DPYSL5: variants seen among roughly 807,000 people sequenced by gnomAD.
The protein encoded by DPYSL5 is dihydropyrimidinase like 5, also known as dihydropyrimidinase-related protein 5.
DPYSL5 carries 9 observed loss-of-function variants against 58.4 expected under a neutral mutation model. That is an observed-to-expected ratio of 0.15 (90% CI 0.09 to 0.27). The LOEUF (loss-of-function observed/expected upper bound fraction) is 0.27. Among genes scored for constraint, DPYSL5 ranks in the 10% least tolerant of loss-of-function variants. DPYSL5 has a pLI of 1.00. For missense variants in DPYSL5, 499 were observed against 770.6 expected, an observed-to-expected ratio of 0.65 and a Z score of 4.17; for synonymous variants, 293 against 301.9, an observed-to-expected ratio of 0.97 and a Z score of 0.31.
chr2:26,875,631 C>T (rs1663390992), intron 1 of DPYSL5, among the ~76,000 whole-genome samples: 1 of 152,108 alleles, frequency 6.6e-6, no homozygotes, highest in Non-Finnish European at 1.5e-5. Flanking sequence ...GGCATCCCAA[C>T]CTGGAGGCTC....
intron 1 of DPYSL5, among the ~76,000 whole-genome samples, chr2:26,895,111 C>G (rs1663980016): frequency 6.6e-6 from 1 of 152,214 alleles, no homozygotes; most frequent in African/African-American, 2.4e-5. Context: ...CCATAGTTGT[C>G]AAGATCATGC....
intron 2 of DPYSL5, among the ~76,000 whole-genome samples, chr2:26,902,690 T>C (rs1330366712): frequency 6.6e-6 from 1 of 152,198 alleles, no homozygotes; most frequent in Non-Finnish European, 1.5e-5. Flanking sequence ...CTAAGACCTA[T>C]TCGGCTGCAT....
At chr2:26,946,455 T>G (rs1213916730) in intron 12 of DPYSL5, among the ~76,000 whole-genome samples, 1 of 152,134 alleles carries the variant, frequency 6.6e-6, no homozygotes, top group African/African-American at 2.4e-5. Flanking sequence ...ACCCTCCCTT[T>G]GTAACTAAGT....
intron 2 of DPYSL5, among the ~76,000 whole-genome samples, chr2:26,917,143 C>T (rs572625576): frequency 6.6e-6 from 1 of 152,164 alleles, no homozygotes; most frequent in Non-Finnish European, 1.5e-5. Context: ...GATCTTACAA[C>T]TAATAAGTGA....
chr2:26,892,528 TA>T (rs1663908088), intron 1 of DPYSL5, among the ~76,000 whole-genome samples: 1 of 152,078 alleles, frequency 6.6e-6, no homozygotes, highest in Non-Finnish European at 1.5e-5. Context: ...CCTCTTACCT[TA>T]AAGCTGCTTT....
intron 8 of DPYSL5, among the ~76,000 whole-genome samples, chr2:26,936,689 C>T (rs919564830): frequency 3.3e-5 from 5 of 151,676 alleles, no homozygotes; most frequent in African/African-American, 1.2e-4. Context: ...TGGTGGCTCG[C>T]ACCTGTAATC....
intron 8 of DPYSL5, among the ~76,000 whole-genome samples, chr2:26,935,579 C>T (rs906179032): frequency 6.6e-6 from 1 of 151,024 alleles, no homozygotes; most frequent in Admixed American, 6.6e-5. Flanking sequence ...ATCCCAGCTA[C>T]TTGGGAGGCT....
intron 1 of DPYSL5, among the ~76,000 whole-genome samples, chr2:26,884,497 C>T (rs915927020): frequency 1.5e-4 from 22 of 148,684 alleles, no homozygotes; most frequent in South Asian, 2.1e-4. Context: ...CACACATCAA[C>T]GCACAGCTAA....
At chr2:26,908,171 A>G (rs1433661023) in intron 2 of DPYSL5, among the ~76,000 whole-genome samples, 1 of 152,260 alleles carries the variant, frequency 6.6e-6, no homozygotes, top group Non-Finnish European at 1.5e-5. Flanking sequence ...GATCATGTTG[A>G]TCAAAGTCAG....
chr2:26,941,245 A>G (rs1275061735), intron 9 of DPYSL5, among the ~76,000 whole-genome samples: 1 of 152,026 alleles, frequency 6.6e-6, no homozygotes, highest in Non-Finnish European at 1.5e-5. Context: ...GCCTCTGATT[A>G]TTATTTCTGA....
At chr2:26,903,161 C>T (rs1343085301) in intron 2 of DPYSL5, among the ~76,000 whole-genome samples, 1 of 151,974 alleles carries the variant, frequency 6.6e-6, no homozygotes, top group Non-Finnish European at 1.5e-5. Flanking sequence ...CCTCTGTCGC[C>T]TGGGTTCACA....
chr2:26,927,504 C>A lies in DPYSL5; in HGVS notation c.600+72C>A. On this transcript the variant is annotated intron_variant, in intron 4 of 12. Transcript: ENST00000288699. The surrounding 1 kb of genome is among the most constrained non-coding windows in gnomAD (Gnocchi z 4.3). ...CAGTTAGTTCTCAGGGGATTCCTGA[C>A]CACCCGTCACTGATCCCACAGGATT... is the stretch of plus-strand genomic sequence containing the variant. 1 of 1,532,404 alleles carries A rather than the reference C, an allele frequency of 6.5e-7. No individual in the cohort carries two copies. Among genetic ancestry groups the A allele is most frequent in the Non-Finnish European group, 8.9e-7 (1 of 1,128,550 alleles). The allele number at this position is 1,532,404 out of a possible 1,614,324, so 94.9% of individuals were successfully genotyped here. A position where few individuals can be genotyped will look rare whatever the true frequency, so the allele number is the denominator to read the frequency against.
At chr2:26,874,859 AT>A (rs1219768315) in intron 1 of DPYSL5, among the ~76,000 whole-genome samples, 2 of 152,246 alleles carry the variant, frequency 1.3e-5, no homozygotes, top group African/African-American at 2.4e-5. Context: ...GCTTATCAAT[AT>A]CCACAAAAAG....
chr2:26,861,780 A>G (rs1026715944), intron 1 of DPYSL5, among the ~76,000 whole-genome samples: 45 of 152,216 alleles, frequency 3.0e-4, no homozygotes, highest in African/African-American at 1.0e-3. Context: ...TCACACTCTT[A>G]TGTAATCCTC....
intron 2 of DPYSL5, among the ~76,000 whole-genome samples, chr2:26,904,567 A>C (rs1259405826): frequency 6.6e-6 from 1 of 152,170 alleles, no homozygotes. Flanking sequence ...CACCTTAGAA[A>C]TCATCTAGTC....
chr2:26,894,278 C>G (rs949779171), intron 1 of DPYSL5, among the ~76,000 whole-genome samples: 2 of 152,090 alleles, frequency 1.3e-5, no homozygotes, highest in East Asian at 3.9e-4. Flanking sequence ...GTGGCTCCCC[C>G]ACATCTTCAC....
intron 1 of DPYSL5, among the ~76,000 whole-genome samples, chr2:26,886,881 G>A: frequency 6.6e-6 from 1 of 152,122 alleles, no homozygotes; most frequent in East Asian, 1.9e-4. Context: ...TCTCTCCTTT[G>A]TGCTGATCAG....
chr2:26,880,329 A>C (rs1663524869), intron 1 of DPYSL5, among the ~76,000 whole-genome samples: 1 of 152,120 alleles, frequency 6.6e-6, no homozygotes, highest in African/African-American at 2.4e-5. Flanking sequence ...CTGCACCCCC[A>C]TGCCTGGCTT....
At chr2:26,871,658 C>A (rs1663265382) in intron 1 of DPYSL5, among the ~76,000 whole-genome samples, 1 of 152,042 alleles carries the variant, frequency 6.6e-6, no homozygotes, top group South Asian at 2.1e-4. Flanking sequence ...CTGGGCTGGT[C>A]TTGAACTCCT....
Sources: gnomAD v4.1 joint callset for allele counts (sites outside exome capture counted in the v4.1 genomes callset) on GRCh38, gnomAD v4.1.1 for gene constraint, Gnocchi (gnomAD v3.1) non-coding constraint, MANE v1.5 for transcripts, NCBI Gene and HGNC (gene_info 2026-07-23, HGNC 2026-07-21) for gene names.